LRP8: variants seen among roughly 807,000 people sequenced by gnomAD.
The protein encoded by LRP8 is LDL receptor related protein 8, also known as low-density lipoprotein receptor-related protein 8.
In LRP8, 46 loss-of-function variants were observed where a neutral mutation model predicts 111.6. The observed-to-expected ratio is 0.41, with a 90% confidence interval of 0.33 to 0.53. LRP8 has a LOEUF of 0.53. LRP8 is among the 20% of genes least tolerant of loss of function. The probability of loss-of-function intolerance (pLI) is 0.20; values close to 1 mark genes in which losing one functional copy is unlikely to be tolerated. For missense variants in LRP8, 959 were observed against 1,297.4 expected (o/e 0.74, Z 4.01); for synonymous variants, 464 against 511.2 (o/e 0.91, Z 1.24).
intron 2 of LRP8, among the ~76,000 whole-genome samples, chr1:53,306,695 G>C (rs1473723279): frequency 1.3e-5 from 2 of 152,186 alleles, no homozygotes; most frequent in Non-Finnish European, 2.9e-5. Flanking sequence ...TCTGAGGACA[G>C]GTTCAGAGTC....
intron 6 of LRP8, 71 bp from the exon 7 acceptor site, chr1:53,271,417 T>G (rs1193048517): frequency 9.5e-6 from 15 of 1,581,356 alleles, no homozygotes; most frequent in Non-Finnish European, 1.2e-5. Flanking sequence ...GGGTAGGACC[T>G]AGAGCAGAAG....
At chr1:53,272,067 C>A (rs750336122) in intron 6 of LRP8, among the ~76,000 whole-genome samples, 9 of 151,920 alleles carry the variant, frequency 5.9e-5, no homozygotes, top group African/African-American at 1.5e-4. Context: ...GATGCCCCCC[C>A]TAATGTGCTT....
chr1:53,260,636 C>A (rs763201201), intron 12 of LRP8, 31 bp from the exon 13 acceptor site: 1 of 1,608,234 alleles, frequency 6.2e-7, no homozygotes, highest in Non-Finnish European at 8.5e-7. Context: ...GGATGGGAGG[C>A]CTGGAGTGTA....
chr1:53,243,553 C>A lies in LRP8; in HGVS notation c.*3465G>T, dbSNP rs1015033896. On this transcript the variant is annotated 3_prime_UTR_variant, in exon 19 of 19. Coordinates refer to ENST00000306052, the MANE Select transcript of LRP8 (RefSeq NM_004631.5). Reference sequence around the variant, plus strand: ...TGTACACAATGATCAAGAAATGCTTCATTGAATCAGAAATTAATCTATTTT... The same window carrying A: ...TGTACACAATGATCAAGAAATGCTTAATTGAATCAGAAATTAATCTATTTT... 6.6e-6 allele frequency: 1 copy of A among 152,214 alleles called. No individual in the cohort carries two copies. The highest frequency in any genetic ancestry group is 2.4e-5 in the African/African-American group (1 of 41,456). 9.4% of individuals were successfully genotyped at this position (152,214 alleles called of 1,614,324 possible). A position where few individuals can be genotyped will look rare whatever the true frequency, so the allele number is the denominator to read the frequency against.
At chr1:53,308,348 C>A (rs940242038) in intron 2 of LRP8, among the ~76,000 whole-genome samples, 1 of 152,222 alleles carries the variant, frequency 6.6e-6, no homozygotes, top group Non-Finnish European at 1.5e-5. Flanking sequence ...TTCATTCTCA[C>A]CCAGGTCTCC....
chr1:53,262,151 T>C lies in LRP8; in HGVS notation c.1831A>G (p.Ile611Val). Residue 611 changes from isoleucine (I) to valine (V), a missense_variant, in exon 12 of 19, where the codon ATT becomes GTT. By Grantham distance (29) the Ile-to-Val change is conservative (BLOSUM62 3). Around this residue, in one of 3 missense-constraint regions of LRP8, gnomAD observed 819 missense variants for 1,097.6 expected, o/e 0.75. Transcript: ENST00000306052. This position sits in a 1 kb window ranked among gnomAD's most constrained non-coding sequence, Gnocchi z 4.8. ...TTTCTGTTGCCTCCACTGAAGTCAA[T>C]GCTGGACAGTTGGTGTAGCTTGGAG... ...VDSKLHQLSS[I>V]DFSGGNRKTL... The C allele has an allele frequency of 6.2e-7, 1 of 1,614,110 alleles. No individual in the cohort carries two copies. Among genetic ancestry groups the C allele is most frequent in the Non-Finnish European group, 8.5e-7 (1 of 1,180,038 alleles).
intron 2 of LRP8, among the ~76,000 whole-genome samples, chr1:53,290,272 G>A (rs1250623516): frequency 6.6e-6 from 1 of 150,472 alleles, no homozygotes; most frequent in Non-Finnish European, 1.5e-5. Flanking sequence ...CCTCCACACT[G>A]CTCTGGGGAT....
At chr1:53,288,744 C>A (rs572742621) in intron 3 of LRP8, among the ~76,000 whole-genome samples, 1 of 152,182 alleles carries the variant, frequency 6.6e-6, no homozygotes, top group African/African-American at 2.4e-5. Context: ...TTTGCCTGAG[C>A]CTTTTGTCTC....
intron 16 of LRP8, among the ~76,000 whole-genome samples, chr1:53,254,727 G>T (rs1646016996): frequency 6.6e-6 from 1 of 152,180 alleles, no homozygotes; most frequent in African/African-American, 2.4e-5. Context: ...TTAAAGGAAT[G>T]GTAAGCAGCT....
rs571991397 is a variant in LRP8 at position 53,266,098 on chromosome 1, G to A, written c.1427+375C>T. On this transcript the variant is annotated intron_variant, in intron 9 of 18. Coordinates refer to ENST00000306052, the MANE Select transcript of LRP8 (RefSeq NM_004631.5). This position sits in a 1 kb window ranked among gnomAD's most constrained non-coding sequence, Gnocchi z 5.0. ...TTGTGAGTGGGATCCTCTGGGCAGGGACCAGGTCTAAGTCCCCAGGTTCCA... is the reference window on the plus strand; with the variant it reads ...TTGTGAGTGGGATCCTCTGGGCAGGAACCAGGTCTAAGTCCCCAGGTTCCA... Among the ~76,000 whole-genome samples, 10 of 152,170 alleles carry A rather than the reference G, an allele frequency of 6.6e-5. No individual in the cohort carries two copies. The highest frequency in any genetic ancestry group is 2.4e-4 in the African/African-American group (10 of 41,440).
intron 2 of LRP8, among the ~76,000 whole-genome samples, chr1:53,297,279 C>T (rs968904894): frequency 1.3e-5 from 2 of 152,182 alleles, no homozygotes; most frequent in African/African-American, 2.4e-5. Context: ...TCGGAGATGT[C>T]GATAAGCTGC....
At chr1:53,309,796 G>A (rs569627886) in intron 2 of LRP8, among the ~76,000 whole-genome samples, 1 of 152,256 alleles carries the variant, frequency 6.6e-6, no homozygotes, top group Admixed American at 6.5e-5. Flanking sequence ...CCTCTCAGCT[G>A]TCCCCAGGGC....
At chr1:53,269,701 C>T (rs922032815) in intron 8 of LRP8, among the ~76,000 whole-genome samples, 1 of 152,182 alleles carries the variant, frequency 6.6e-6, no homozygotes, top group Non-Finnish European at 1.5e-5. Flanking sequence ...CTCACCTGGA[C>T]TTCCCTATTC....
rs931880192 is a variant in LRP8 at position 53,243,156 on chromosome 1, G to A, written c.*3862C>T. ...ACTCATTTATATTTTGTGAAACGATGAGTGTATGGCTGGAGTTCGGGGGGT... is the reference window on the plus strand; with the variant it reads ...ACTCATTTATATTTTGTGAAACGATAAGTGTATGGCTGGAGTTCGGGGGGT... On this transcript the variant is annotated 3_prime_UTR_variant, in exon 19 of 19. Transcript: ENST00000306052. The A allele has an allele frequency of 5.3e-5, 8 of 152,172 alleles. No homozygotes were observed. Among genetic ancestry groups the A allele is most frequent in the African/African-American group, 1.4e-4 (6 of 41,428 alleles). 9.4% of individuals were successfully genotyped at this position (152,172 alleles called of 1,614,324 possible). A position where few individuals can be genotyped will look rare whatever the true frequency, so the allele number is the denominator to read the frequency against.
At chr1:53,323,792 C>G (rs940979926) in intron 2 of LRP8, among the ~76,000 whole-genome samples, 1 of 152,252 alleles carries the variant, frequency 6.6e-6, no homozygotes, top group African/African-American at 2.4e-5. Flanking sequence ...AGTCACTTCA[C>G]CTCTCCAAGC....
At chr1:53,270,950 C>G (rs541122211) in intron 8 of LRP8, 78 bp downstream of exon 8, 7 of 1,604,256 alleles carry the variant, frequency 4.4e-6, no homozygotes, top group Non-Finnish European at 5.1e-6. Context: ...CATGTACACG[C>G]CCACTCCTCA....
chr1:53,256,456 C>T (rs1457881025), intron 15 of LRP8, among the ~76,000 whole-genome samples: 1 of 152,246 alleles, frequency 6.6e-6, no homozygotes, highest in Admixed American at 6.5e-5. Context: ...TTCACACATG[C>T]TCCATCTGCC....
At chr1:53,252,342 C>T (rs1442690242) in intron 16 of LRP8, among the ~76,000 whole-genome samples, 2 of 151,920 alleles carry the variant, frequency 1.3e-5, no homozygotes, top group Non-Finnish European at 2.9e-5. Flanking sequence ...CCAGCCCGGG[C>T]AAGATGGTGA....
Position 53,294,733 on chromosome 1 carries a change from G to A in LRP8, c.245-5044C>T, listed in dbSNP as rs1649375412. On this transcript the variant is annotated intron_variant, in intron 2 of 18. Transcript: ENST00000306052. The surrounding 1 kb of genome is among the most constrained non-coding windows in gnomAD (Gnocchi z 4.1). The stretch of plus-strand genomic sequence containing the variant: ...GGTGTGGCGCTGACTAAGTCTTAAG[G>A]CCCTCTCCACACTCAGTGTCTGTGA... Among the ~76,000 whole-genome samples, 3 of 152,066 alleles carry A rather than the reference G, an allele frequency of 2.0e-5. No individual in the cohort carries two copies. The South Asian group carries it at 6.2e-4, about 32-fold the overall frequency.
Sources: allele counts gnomAD v4.1 joint callset (sites outside exome capture counted in the v4.1 genomes callset), GRCh38; gene constraint gnomAD v4.1.1; regional missense constraint gnomAD v4.1.1; non-coding constraint Gnocchi (gnomAD v3.1); transcripts MANE v1.5; gene names NCBI Gene and HGNC (gene_info 2026-07-23, HGNC 2026-07-21).